The following ALK variants were observed in gnomAD, a reference collection of about 807,000 sequenced individuals.
ALK encodes ALK receptor tyrosine kinase.
A neutral mutation model predicts 163.1 loss-of-function variants in ALK; 74 were observed. That is an observed-to-expected ratio of 0.45 (90% CI 0.38 to 0.55). ALK has a LOEUF of 0.55. ALK is among the 20% of genes least tolerant of loss of function. ALK has a pLI of 0.00. For synonymous variants in ALK, 960 were observed against 843.2 expected, an observed-to-expected ratio of 1.14 and a Z score of -2.40; for missense variants, 2,063 against 2,105.3, an observed-to-expected ratio of 0.98 and a Z score of 0.39.
intron 4 of ALK, among the ~76,000 whole-genome samples, chr2:29,418,978 T>TA (rs543080993): frequency 1.3e-5 from 2 of 151,526 alleles, no homozygotes; most frequent in African/African-American, 4.9e-5. Flanking sequence ...GGTAGAAATA[T>TA]AAAAAATACA....
At chr2:29,889,683 TAGATAGATAGACAGAGAGAG>T (rs1667087121) in intron 1 of ALK, among the ~76,000 whole-genome samples, 1 of 42,084 alleles carries the variant, frequency 2.4e-5, no homozygotes, top group African/African-American at 6.8e-5. Context: ...TGTATCTATA[TAGATAGATAGACAGAGAGAG>T]AGAGAGAGAG....
At chr2:29,344,297 T>C (rs1410674959) in intron 5 of ALK, among the ~76,000 whole-genome samples, 2 of 152,212 alleles carry the variant, frequency 1.3e-5, no homozygotes, top group Admixed American at 1.3e-4. Context: ...GACTTTGGTA[T>C]TCTTCTCATG....
chr2:29,217,257 TGTG>T (rs757954354), intron 23 of ALK, among the ~76,000 whole-genome samples: 2 of 149,028 alleles, frequency 1.3e-5, no homozygotes, highest in Non-Finnish European at 3.0e-5. Flanking sequence ...GATGTACGTG[TGTG>T]GTGTGTTTTT....
chr2:29,391,128 C>G (rs1669158584), intron 4 of ALK, among the ~76,000 whole-genome samples: 1 of 152,118 alleles, frequency 6.6e-6, no homozygotes, highest in Admixed American at 6.5e-5. Flanking sequence ...AGCTGTAAAG[C>G]AGTTTTCATT....
chr2:29,854,730 A>G (rs570586034), intron 1 of ALK, among the ~76,000 whole-genome samples: 2 of 152,344 alleles, frequency 1.3e-5, no homozygotes, highest in African/African-American at 2.4e-5. Flanking sequence ...TCCACATCCC[A>G]TAATTATGGC....
At chr2:29,282,617 CT>C (rs543512809) in intron 9 of ALK, among the ~76,000 whole-genome samples, 152 of 152,256 alleles carry the variant, frequency 1.0e-3, no homozygotes, top group African/African-American at 3.5e-3. Flanking sequence ...GGTTTCCCCT[CT>C]AGGCATAACG....
intron 3 of ALK, among the ~76,000 whole-genome samples, chr2:29,586,176 T>G (rs1468242319): frequency 6.6e-6 from 1 of 152,182 alleles, no homozygotes; most frequent in Non-Finnish European, 1.5e-5. Flanking sequence ...TTAATCTTTT[T>G]TAAGTATTCT....
At chr2:29,872,636 T>A (rs1340686463) in intron 1 of ALK, among the ~76,000 whole-genome samples, 1 of 152,180 alleles carries the variant, frequency 6.6e-6, no homozygotes, top group African/African-American at 2.4e-5. Context: ...TCATACTGCA[T>A]ATCATTGGCC....
At chr2:29,691,117 CA>C (rs1173954250) in intron 3 of ALK, among the ~76,000 whole-genome samples, 1 of 152,204 alleles carries the variant, frequency 6.6e-6, no homozygotes, top group Non-Finnish European at 1.5e-5. Context: ...TCATGAGGAA[CA>C]ACGCTACTTC....
At chr2:29,877,761 G>A (rs575372920) in intron 1 of ALK, among the ~76,000 whole-genome samples, 2 of 152,184 alleles carry the variant, frequency 1.3e-5, no homozygotes, top group South Asian at 2.1e-4. Context: ...CTGTACTTTC[G>A]GAGTCAGGTC....
At chr2:29,642,491 G>A (rs1676733151) in intron 3 of ALK, among the ~76,000 whole-genome samples, 1 of 152,042 alleles carries the variant, frequency 6.6e-6, no homozygotes, top group African/African-American at 2.4e-5. Flanking sequence ...AAACAAAAAA[G>A]GAAGCACTAA....
chr2:29,611,837 G>A (rs1675700953), intron 3 of ALK, among the ~76,000 whole-genome samples: 1 of 152,162 alleles, frequency 6.6e-6, no homozygotes. Context: ...AGTTTCCTGA[G>A]GTCTGGCAGT....
chr2:29,808,350 A>T (rs544481404), intron 1 of ALK, among the ~76,000 whole-genome samples: 1 of 152,142 alleles, frequency 6.6e-6, no homozygotes, highest in African/African-American at 2.4e-5. Flanking sequence ...TCTGAAAAGC[A>T]TCTGGCACTC....
chr2:29,237,485 C>T (rs1030846668), intron 13 of ALK, among the ~76,000 whole-genome samples: 7 of 152,132 alleles, frequency 4.6e-5, no homozygotes, highest in African/African-American at 1.4e-4. Flanking sequence ...CCTTGAGCAT[C>T]GATGAACCTC....
At position 29,717,564 on chromosome 2, in the gene ALK, A is replaced by C. The variant is rs1394439148; in HGVS notation, c.787+14T>G. 6 of 1,613,806 alleles carry C rather than the reference A, an allele frequency of 3.7e-6. No homozygotes were observed. The highest frequency in any genetic ancestry group is 5.1e-6 in the Non-Finnish European group (6 of 1,179,656). On this transcript the variant is annotated intron_variant, in intron 2 of 28. Coordinates refer to ENST00000389048, the MANE Select transcript of ALK (RefSeq NM_004304.5). ...TGACAGTGTATCTCAAGTAAATATT[A>C]AACATATACTTACCATATCGGCTGC...
intron 1 of ALK, among the ~76,000 whole-genome samples, chr2:29,863,688 A>G (rs185565924): frequency 7.2e-4 from 110 of 152,326 alleles, no homozygotes; most frequent in African/African-American, 2.5e-3. Context: ...AATATAGATT[A>G]GTACAGCCAT....
chr2:29,312,573 C>T (rs1335774301), intron 8 of ALK, among the ~76,000 whole-genome samples: 4 of 152,154 alleles, frequency 2.6e-5, no homozygotes, highest in African/African-American at 9.7e-5. Context: ...CTACCTGGAG[C>T]CACCACCCTG....
intron 1 of ALK, among the ~76,000 whole-genome samples, chr2:29,795,206 A>C (rs1664277559): frequency 6.6e-6 from 1 of 152,124 alleles, no homozygotes. Context: ...ACACGCAAAG[A>C]GCTAACAAAT....
chr2:29,288,755 A>T (rs1322853113), intron 9 of ALK, among the ~76,000 whole-genome samples: 2 of 151,994 alleles, frequency 1.3e-5, no homozygotes, highest in South Asian at 4.2e-4. Flanking sequence ...GTTCAAGACA[A>T]GCCTGGCCAA....
Sources: gnomAD v4.1 joint callset for allele counts (sites outside exome capture counted in the v4.1 genomes callset) on GRCh38, gnomAD v4.1.1 for gene constraint, MANE v1.5 for transcripts, NCBI Gene and HGNC (gene_info 2026-07-23, HGNC 2026-07-21) for gene names.